The following WDFY4 variants were observed in gnomAD, a reference collection of about 807,000 sequenced individuals.
WDFY4 encodes WDFY family member 4, also known as WD repeat- and FYVE domain-containing protein 4.
In WDFY4, 169 loss-of-function variants were observed where a neutral mutation model predicts 351.9. The ratio of observed to expected loss-of-function variants is 0.48; its 90% confidence interval spans 0.42 to 0.55. The LOEUF (loss-of-function observed/expected upper bound fraction) is 0.55. WDFY4 is among the 20% of genes least tolerant of loss of function. WDFY4 has a pLI of 0.00. For synonymous variants in WDFY4, 1,622 were observed against 1,574.6 expected (o/e 1.03, Z -0.71); for missense variants, 3,803 against 3,935.6 (o/e 0.97, Z 0.90).
chr10:48,873,793 G>C, intron 41 of WDFY4, 96 bp downstream of exon 41: 1 of 1,353,306 alleles, frequency 7.4e-7, no homozygotes, highest in South Asian at 1.4e-5. Flanking sequence ...TTTATATCAG[G>C]CTAAGATAAC....
Position 48,982,811 on chromosome 10 carries a change from G to A in WDFY4, c.*236G>A. On this transcript the variant is annotated 3_prime_UTR_variant, in exon 62 of 62. Transcript: ENST00000325239. The stretch of plus-strand genomic sequence containing the variant: ...AGGGCTGAGCAGCACGCTGGAAACT[G>A]TGACTTGGTGATGCCCAGCTGCACA... 1 of 575,300 alleles carries A rather than the reference G, an allele frequency of 1.7e-6. No individual in the cohort carries two copies. Among genetic ancestry groups the A allele is most frequent in the Non-Finnish European group, 3.4e-6 (1 of 295,080 alleles). 35.6% of individuals were successfully genotyped at this position (575,300 alleles called of 1,614,324 possible). A position where few individuals can be genotyped will look rare whatever the true frequency, so the allele number is the denominator to read the frequency against.
chr10:48,957,426 A>G, intron 52 of WDFY4, 144 bp downstream of exon 52: 1 of 1,073,824 alleles, frequency 9.3e-7, no homozygotes, highest in Non-Finnish European at 1.3e-6. Flanking sequence ...ACTGGGCAGC[A>G]GTGCCCAGAA....
At chr10:48,789,798 GC>G in intron 21 of WDFY4, 75 bp from the exon 22 acceptor site, 1 of 1,408,732 alleles carries the variant, frequency 7.1e-7, no homozygotes, top group Non-Finnish European at 9.8e-7. Flanking sequence ...CAGAGGGCCT[GC>G]CCTCCAGGAG....
intron 47 of WDFY4, among the ~76,000 whole-genome samples, chr10:48,908,223 T>C (rs1339011238): frequency 2.0e-5 from 3 of 152,170 alleles, no homozygotes; most frequent in Admixed American, 6.5e-5. Flanking sequence ...CCAGCCACAT[T>C]GCTTCCACAA....
chr10:48,863,633 T>C (rs1251324542), intron 39 of WDFY4, among the ~76,000 whole-genome samples: 2 of 152,210 alleles, frequency 1.3e-5, no homozygotes, highest in Non-Finnish European at 2.9e-5. Context: ...AATTTTTTTT[T>C]CATTCTGTGG....
At chr10:48,915,300 G>A (rs1838413424) in intron 47 of WDFY4, among the ~76,000 whole-genome samples, 1 of 152,102 alleles carries the variant, frequency 6.6e-6, no homozygotes, top group African/African-American at 2.4e-5. Context: ...CTATCATAGC[G>A]AGACTGAGGC....
At chr10:48,866,201 T>C (rs2069536145) in intron 39 of WDFY4, among the ~76,000 whole-genome samples, 1 of 152,154 alleles carries the variant, frequency 6.6e-6, no homozygotes, top group Non-Finnish European at 1.5e-5. Context: ...GTGTTTCTTT[T>C]TTTTCTTAAT....
intron 47 of WDFY4, among the ~76,000 whole-genome samples, chr10:48,914,945 CTG>C (rs1032997465): frequency 4.6e-5 from 7 of 152,208 alleles, no homozygotes; most frequent in Non-Finnish European, 1.0e-4. Context: ...ATCCTTCACA[CTG>C]GACTTCAACT....
At chr10:48,704,723 C>T (rs576826635) in intron 1 of WDFY4, among the ~76,000 whole-genome samples, 33 of 152,312 alleles carry the variant, frequency 2.2e-4, no homozygotes, top group Admixed American at 5.9e-4. Flanking sequence ...GTCCACAGAC[C>T]TGGGGGCTTC....
At chr10:48,769,201 G>T (rs939129397) in intron 13 of WDFY4, among the ~76,000 whole-genome samples, 10 of 152,200 alleles carry the variant, frequency 6.6e-5, no homozygotes, top group African/African-American at 1.2e-4. Context: ...GATTCTGCTG[G>T]TTCCATGGGG....
In WDFY4 at chr10:48,743,109, C is replaced by A. The variant is rs1204702113; in HGVS notation, c.2020C>A (p.Pro674Thr). The A allele has an allele frequency of 6.4e-7, 1 of 1,551,550 alleles. No individual in the cohort carries two copies. Among genetic ancestry groups the A allele is most frequent in the African/African-American group, 1.4e-5 (1 of 73,034 alleles). ...PPLQAWGAVS[P>T]RQTLELVLYT... is the part of the protein sequence containing the mutation. ...GCTGCAGGCATGGGGAGCAGTATCC[C>A]CCAGACAGACCCTGGAGCTGGTTTT... The change falls in exon 12 of 62, where the codon CCC becomes ACC. Residue 674 changes from proline (P) to threonine (T), a missense_variant. Transcript: ENST00000325239.
chr10:48,906,373 T>C (rs1472148473), intron 47 of WDFY4, among the ~76,000 whole-genome samples: 1 of 152,134 alleles, frequency 6.6e-6, no homozygotes, highest in African/African-American at 2.4e-5. Context: ...TCCATAACTA[T>C]ATATATGCTA....
chr10:48,875,566 C>T (rs1024680252), intron 42 of WDFY4, among the ~76,000 whole-genome samples: 22 of 152,192 alleles, frequency 1.4e-4, no homozygotes, highest in Admixed American at 3.9e-4. Flanking sequence ...AGGTACACAT[C>T]ACAATGCCCA....
chr10:48,809,818 C>T (rs2132909124), intron 28 of WDFY4, among the ~76,000 whole-genome samples: 1 of 152,348 alleles, frequency 6.6e-6, no homozygotes. Context: ...ACTCCTAGTC[C>T]AGTGCTCATT....
chr10:48,770,088 A>G (rs1272748451), intron 13 of WDFY4, among the ~76,000 whole-genome samples: 5 of 152,200 alleles, frequency 3.3e-5, no homozygotes, highest in Admixed American at 6.5e-5. Flanking sequence ...ATTTTACTGG[A>G]ACTAACGTTG....
rs550230060 is a variant in WDFY4, at chr10:48,925,370, A to G, written c.7587-16436A>G. 3.3e-5 allele frequency among the ~76,000 whole-genome samples: 5 copies of G among 152,130 alleles called. No individual in the cohort carries two copies. In the East Asian group the frequency reaches 9.6e-4, roughly 29 times the overall value. On this transcript the variant is annotated intron_variant, in intron 47 of 61. Transcript: ENST00000325239. Reference sequence around the variant, plus strand: ...CTGTCATAGTGGGTCCTGTGTATGTAATGGGTGTGTTGGGAACCTCTGGGC... The same window carrying G: ...CTGTCATAGTGGGTCCTGTGTATGTGATGGGTGTGTTGGGAACCTCTGGGC...
At chr10:48,869,509 G>A (rs2069679068) in intron 40 of WDFY4, among the ~76,000 whole-genome samples, 1 of 151,262 alleles carries the variant, frequency 6.6e-6, no homozygotes, top group African/African-American at 2.4e-5. Context: ...TATATCAACA[G>A]CAAACATTGC....
intron 47 of WDFY4, among the ~76,000 whole-genome samples, chr10:48,918,574 A>C (rs1376019453): frequency 1.3e-5 from 2 of 152,248 alleles, no homozygotes; most frequent in Non-Finnish European, 2.9e-5. Flanking sequence ...ATTTAAATGA[A>C]GCAAAAACAT....
rs2067216797 is a variant in WDFY4, at chr10:48,805,314, C to T, written c.4539C>T (p.Leu1513=). 1 of 1,548,194 alleles carries T rather than the reference C, an allele frequency of 6.5e-7. No homozygotes were observed. The highest frequency in any genetic ancestry group is 8.7e-7 in the Non-Finnish European group (1 of 1,146,980). The change falls in exon 26 of 62, where the codon CTC becomes CTT. Residue 1513 remains leucine (L), a synonymous_variant. Coordinates refer to ENST00000325239, the MANE Select transcript of WDFY4 (RefSeq NM_001394531.1). ...AAHQAQLIPK[L]IFLFNEPSLI... ...ACCAGGCACAGCTTATACCCAAGCTCATCTTCCTATTCAATGAGCCGAGCC... is the reference window on the plus strand; with the variant it reads ...ACCAGGCACAGCTTATACCCAAGCTTATCTTCCTATTCAATGAGCCGAGCC...
Sources: allele counts gnomAD v4.1 joint callset (sites outside exome capture counted in the v4.1 genomes callset), GRCh38; gene constraint gnomAD v4.1.1; transcripts MANE v1.5; gene names NCBI Gene and HGNC (gene_info 2026-07-23, HGNC 2026-07-21).